The following MTUS2 variants were observed in gnomAD, a reference collection of about 807,000 sequenced individuals.
The protein encoded by MTUS2 is microtubule-associated tumor suppressor candidate 2.
Under a neutral mutation model 114.1 loss-of-function variants are expected in MTUS2, and 40 were observed. That is an observed-to-expected ratio of 0.35 (90% CI 0.27 to 0.46). The LOEUF (loss-of-function observed/expected upper bound fraction) is 0.46, where lower values mean the gene tolerates loss of function less well. Ranked by LOEUF, MTUS2 falls within the 20% of genes least tolerant of loss-of-function variation. The pLI, the probability that MTUS2 is intolerant of heterozygous loss-of-function variation, is 1.00. For synonymous variants in MTUS2, 688 were observed against 672.0 expected (o/e 1.02, Z -0.37); for missense variants, 1,679 against 1,705.4 (o/e 0.98, Z 0.27).
intron 5 of MTUS2, among the ~76,000 whole-genome samples, chr13:29,209,934 C>T (rs1231717554): frequency 2.0e-5 from 3 of 152,066 alleles, no homozygotes; most frequent in Non-Finnish European, 2.9e-5. Flanking sequence ...CAATAAATTT[C>T]GCGGGTGTTC....
At chr13:29,157,579 C>A (rs981229016) in intron 5 of MTUS2, among the ~76,000 whole-genome samples, 7 of 152,098 alleles carry the variant, frequency 4.6e-5, no homozygotes, top group Non-Finnish European at 7.4e-5. Flanking sequence ...ATGAGTGAAA[C>A]CCCAGCACTG....
chr13:29,296,392 G>T (rs1001487302), intron 6 of MTUS2, among the ~76,000 whole-genome samples: 13 of 151,170 alleles, frequency 8.6e-5, no homozygotes, highest in African/African-American at 2.7e-4. Context: ...TTTTTTTTTT[G>T]TAGAGATGGG....
Position 29,326,850 on chromosome 13 carries a change from C to T in MTUS2, c.2905+2139C>T, listed in dbSNP as rs142648253. Among the ~76,000 whole-genome samples, 584 of 152,040 alleles carry T rather than the reference C, an allele frequency of 3.8e-3. 1 individual carries two copies. The highest frequency in any genetic ancestry group is 6.5e-3 in the Non-Finnish European group (439 of 67,976). On this transcript the variant is annotated intron_variant, in intron 7 of 15. Coordinates refer to ENST00000612955, the MANE Select transcript of MTUS2 (RefSeq NM_001033602.4). ...CAAAAATTAGCCAGGTGTGGTGGTGCGTGCCTGTAGTCCCAGCTACTTGGG... is the reference window on the plus strand; with the variant it reads ...CAAAAATTAGCCAGGTGTGGTGGTGTGTGCCTGTAGTCCCAGCTACTTGGG...
intron 4 of MTUS2, among the ~76,000 whole-genome samples, chr13:29,079,322 A>G (rs1268870644): frequency 1.3e-5 from 2 of 152,182 alleles, no homozygotes; most frequent in African/African-American, 4.8e-5. Flanking sequence ...CATGTTGGAT[A>G]TTAGACACTT....
At chr13:29,147,357 C>T (rs1158237844) in intron 5 of MTUS2, among the ~76,000 whole-genome samples, 2 of 152,156 alleles carry the variant, frequency 1.3e-5, no homozygotes, top group Non-Finnish European at 2.9e-5. Flanking sequence ...AAATCAGAAA[C>T]TTCCTGTATT....
chr13:29,479,767 C>A (rs1881009141), intron 9 of MTUS2, among the ~76,000 whole-genome samples: 1 of 152,208 alleles, frequency 6.6e-6, no homozygotes, highest in South Asian at 2.1e-4. Context: ...CTGATTCACC[C>A]AGGGCGTATT....
intron 12 of MTUS2, among the ~76,000 whole-genome samples, chr13:29,495,325 T>A (rs1403840738): frequency 2.6e-5 from 3 of 116,722 alleles, no homozygotes; most frequent in Admixed American, 1.2e-4. Flanking sequence ...GCCACTGCAC[T>A]CCAACCTGGG....
At chr13:28,883,735 A>G (rs1878428504) in intron 2 of MTUS2, among the ~76,000 whole-genome samples, 2 of 152,188 alleles carry the variant, frequency 1.3e-5, no homozygotes, top group Non-Finnish European at 2.9e-5. Context: ...GGCCATGGTT[A>G]CATGATTCTA....
chr13:28,978,708 A>G (rs1199423087), intron 2 of MTUS2, among the ~76,000 whole-genome samples: 1 of 152,198 alleles, frequency 6.6e-6, no homozygotes, highest in African/African-American at 2.4e-5. Context: ...GTAATTCCTC[A>G]TGATAACATC....
At chr13:29,019,945 A>G in intron 2 of MTUS2, among the ~76,000 whole-genome samples, 1 of 152,168 alleles carries the variant, frequency 6.6e-6, no homozygotes, top group Admixed American at 6.5e-5. Flanking sequence ...AGGTTTTGGG[A>G]GGAAGGGAGC....
intron 2 of MTUS2, among the ~76,000 whole-genome samples, chr13:28,938,379 CAAAAA>C (rs200546939): frequency 9.5e-6 from 1 of 105,594 alleles, no homozygotes; most frequent in Non-Finnish European, 2.0e-5. Flanking sequence ...GACTCTGTCT[CAAAAA>C]AAAAAAAAAT....
intron 7 of MTUS2, among the ~76,000 whole-genome samples, chr13:29,350,557 A>G (rs1869144922): frequency 6.6e-6 from 1 of 151,998 alleles, no homozygotes; most frequent in African/African-American, 2.4e-5. Flanking sequence ...CTCACCCAAG[A>G]TCATCTTCTT....
intron 8 of MTUS2, among the ~76,000 whole-genome samples, chr13:29,401,139 C>T (rs1238348631): frequency 2.0e-5 from 3 of 152,096 alleles, no homozygotes; most frequent in Non-Finnish European, 2.9e-5. Context: ...GGGCACACAC[C>T]GCCGTGACTG....
intron 2 of MTUS2, among the ~76,000 whole-genome samples, chr13:28,991,711 G>A (rs1409452852): frequency 6.6e-6 from 1 of 152,134 alleles, no homozygotes; most frequent in Non-Finnish European, 1.5e-5. Context: ...TAGACTGTGA[G>A]CCTTTTTCCT....
At chr13:29,039,602 C>T (rs1335234917) in intron 4 of MTUS2, among the ~76,000 whole-genome samples, 6 of 152,206 alleles carry the variant, frequency 3.9e-5, no homozygotes, top group Non-Finnish European at 8.8e-5. Context: ...TACTTTTGTG[C>T]CTGACCTTTA....
intron 4 of MTUS2, among the ~76,000 whole-genome samples, chr13:29,061,448 C>T (rs944895306): frequency 2.0e-5 from 3 of 152,168 alleles, no homozygotes; most frequent in African/African-American, 7.2e-5. Flanking sequence ...GTTGTTCTTA[C>T]TCAGTCTTTG....
At chr13:28,825,982 A>T (rs1248701012) in intron 1 of MTUS2, among the ~76,000 whole-genome samples, 1 of 152,058 alleles carries the variant, frequency 6.6e-6, no homozygotes, top group East Asian at 1.9e-4. Flanking sequence ...CACGTGCCCT[A>T]TTGTATTTGG....
intron 9 of MTUS2, among the ~76,000 whole-genome samples, chr13:29,469,317 G>A (rs1258611165): frequency 6.6e-6 from 1 of 152,116 alleles, no homozygotes; most frequent in East Asian, 1.9e-4. Context: ...GCAGGATTCA[G>A]CGTACAGTAA....
At chr13:29,152,005 T>A (rs1192475334) in intron 5 of MTUS2, among the ~76,000 whole-genome samples, 2 of 152,156 alleles carry the variant, frequency 1.3e-5, no homozygotes, top group Non-Finnish European at 2.9e-5. Context: ...TATTGTTGTG[T>A]CTTCGATCGA....
Sources: allele counts gnomAD v4.1 joint callset (sites outside exome capture counted in the v4.1 genomes callset), GRCh38; gene constraint gnomAD v4.1.1; transcripts MANE v1.5; gene names NCBI Gene and HGNC (gene_info 2026-07-23, HGNC 2026-07-21).